UGT1A5: variants seen among roughly 807,000 people sequenced by gnomAD.
UGT1A5 encodes the protein UDP glucuronosyltransferase family 1 member A5.
Under a neutral mutation model 40.3 loss-of-function variants are expected in UGT1A5, and 29 were observed. That is an observed-to-expected ratio of 0.72 (90% CI 0.54 to 0.98). The LOEUF (loss-of-function observed/expected upper bound fraction) is 0.98. Ranked by LOEUF, UGT1A5 falls within the 50% of genes least tolerant of loss-of-function variation. The probability of loss-of-function intolerance (pLI) is 0.00; values close to 1 mark genes in which losing one functional copy is unlikely to be tolerated. For synonymous variants in UGT1A5, 257 were observed against 262.5 expected, an observed-to-expected ratio of 0.98 and a Z score of 0.20; for missense variants, 678 against 677.9, an observed-to-expected ratio of 1.00 and a Z score of 0.00.
chr2:233,732,424 AG>A (rs1319595536), intron 1 of UGT1A5, among the ~76,000 whole-genome samples: 1 of 152,242 alleles, frequency 6.6e-6, no homozygotes, highest in Non-Finnish European at 1.5e-5. Flanking sequence ...GTTTTCTTCT[AG>A]GATTTTTATG....
At position 233,747,386 on chromosome 2, in the gene UGT1A5, G is replaced by A. The variant is rs28900380; in HGVS notation, c.868-19648G>A. ...AGCTCCATGCCAGAGGCCACCAGGC[G>A]GTGGTCCTCACCCCAGAGGTGAATA... is the stretch of plus-strand genomic sequence containing the variant. On this transcript the variant is annotated intron_variant, in intron 1 of 4. Coordinates refer to ENST00000373414, the MANE Select transcript of UGT1A5 (RefSeq NM_019078.2). The A allele has an allele frequency of 0.013, 20,927 of 1,605,194 alleles. 2,457 individuals carry two copies. In the African/African-American group the frequency reaches 0.23, roughly 18 times the overall value.
chr2:233,745,071 G>A (rs981811501), intron 1 of UGT1A5, among the ~76,000 whole-genome samples: 3 of 151,782 alleles, frequency 2.0e-5, no homozygotes, highest in Admixed American at 1.3e-4. Flanking sequence ...TATTTGTATT[G>A]TTTTTTCATT....
rs189644754 is a variant in UGT1A5 at position 233,743,962 on chromosome 2, C to T, written c.868-23072C>T. 923 of 1,331,616 alleles carry T rather than the reference C, an allele frequency of 6.9e-4. 28 individuals are homozygous for T. The African/African-American group carries it at 0.013, about 18-fold the overall frequency. The allele number at this position is 1,331,616 out of a possible 1,614,324, so 82.5% of individuals were successfully genotyped here. On this transcript the variant is annotated intron_variant, in intron 1 of 4. Coordinates refer to ENST00000373414, the MANE Select transcript of UGT1A5 (RefSeq NM_019078.2). ...CACCAGGCACTGGCACAGCGAGCGG[C>T]AAGGCTGCCAGCACCCAGGCGCAGG...
rs190570057 is a variant in UGT1A5, at chr2:233,713,150, G to A, written c.159G>A (p.Ala53=). Residue 53 remains alanine, a synonymous_variant, in exon 1 of 5, where the codon GCG becomes GCA. Coordinates refer to ENST00000373414, the MANE Select transcript of UGT1A5 (RefSeq NM_019078.2). The part of the protein sequence containing the change: ...SMREALRDLH[A]RGHQVVVLTL... Reference sequence around the variant, plus strand: ...GGGAGGCCTTGCGGGACCTCCATGCGAGAGGCCACCAGGTGGTGGTCCTCA... The same window carrying A: ...GGGAGGCCTTGCGGGACCTCCATGCAAGAGGCCACCAGGTGGTGGTCCTCA... The A allele has an allele frequency of 5.6e-6, 9 of 1,614,242 alleles. No individual in the cohort carries two copies. In the East Asian group the frequency reaches 8.9e-5, roughly 16 times the overall value.
chr2:233,743,747 G>A (rs370175895), intron 1 of UGT1A5: 9 of 1,367,226 alleles, frequency 6.6e-6, no homozygotes, highest in African/African-American at 1.5e-5. Flanking sequence ...CTTGGCGTCC[G>A]ACAACACCTC....
chr2:233,713,442 A>G lies in UGT1A5; in HGVS notation c.451A>G (p.Thr151Ala). ...TGCTACTTCCTTTGATGTGGTTCTA[A>G]CAGACCCCTTTCACCTCTGCGCGGC... ...LHATSFDVVL[T>A]DPFHLCAAVL... Residue 151 changes from threonine to alanine, a missense_variant, in exon 1 of 5, where the codon ACA (threonine) becomes GCA (alanine). Physicochemically the swap from Thr to Ala is moderately conservative, Grantham distance 58. Coordinates refer to ENST00000373414, the MANE Select transcript of UGT1A5 (RefSeq NM_019078.2). The G allele has an allele frequency of 6.2e-7, 1 of 1,614,102 alleles. No homozygotes were observed. Among genetic ancestry groups the G allele is most frequent in the Non-Finnish European group, 8.5e-7 (1 of 1,180,014 alleles).
At chr2:233,725,201 G>GGCAGAGGCAGAA (rs2077389297) in intron 1 of UGT1A5, among the ~76,000 whole-genome samples, 6 of 93,006 alleles carry the variant, frequency 6.5e-5, no homozygotes, top group African/African-American at 5.2e-4. Context: ...CAGAGGCAGA[G>GGCAGAGGCAGAA]GCAGAGGCAG....
chr2:233,743,918 C>T, intron 1 of UGT1A5: 1 of 1,363,786 alleles, frequency 7.3e-7, no homozygotes, highest in East Asian at 4.6e-5. Context: ...GTCCACCATG[C>T]TGGATGGCCA....
intron 1 of UGT1A5, chr2:233,755,414 G>T (rs11673726): frequency 0.36 from 117,303 of 321,602 alleles, 22,184 homozygotes; most frequent in African/African-American, 0.41. Context: ...GCCGAGGCCT[G>T]TGAGCGCCTC....
intron 1 of UGT1A5, chr2:233,747,895 C>T: frequency 6.2e-7 from 1 of 1,613,566 alleles, no homozygotes; most frequent in Non-Finnish European, 8.5e-7. Context: ...CATGCTCTTT[C>T]TGCTCCTTAT....
chr2:233,750,351 C>G (rs148166585), intron 1 of UGT1A5, among the ~76,000 whole-genome samples: 13 of 151,972 alleles, frequency 8.6e-5, no homozygotes, highest in African/African-American at 2.4e-4. Context: ...GAAATTGGAA[C>G]TTATGTTTAA....
intron 1 of UGT1A5, 92 bp downstream of exon 1, chr2:233,713,950 C>A (rs1250435794): frequency 3.7e-6 from 6 of 1,608,844 alleles, no homozygotes; most frequent in Admixed American, 1.7e-5. Context: ...ATCTACTTAT[C>A]TTTCCAAAGA....
intron 1 of UGT1A5, chr2:233,752,371 G>C (rs1694955006): frequency 6.6e-6 from 1 of 152,082 alleles, no homozygotes; most frequent in Non-Finnish European, 1.5e-5. Flanking sequence ...GTCTCAAGAG[G>C]GTCATCTTTG....
chr2:233,729,440 A>G (rs2077859052), intron 1 of UGT1A5: 2 of 1,613,960 alleles, frequency 1.2e-6, no homozygotes, highest in Non-Finnish European at 1.7e-6. Context: ...GAAACAGAAC[A>G]TTTTCTGAAG....
intron 1 of UGT1A5, chr2:233,730,077 T>G: frequency 1.2e-6 from 2 of 1,605,094 alleles, no homozygotes; most frequent in South Asian, 2.2e-5. Flanking sequence ...TGCTTCCATA[T>G]TTACTTATCT....
chr2:233,772,520 A>C lies in UGT1A5; in HGVS notation c.1566A>C (p.Lys522Asn). The change falls in exon 5 of 5, where the codon AAA (lysine) becomes AAC (asparagine). Residue 522 changes from lysine (K) to asparagine (N), a missense_variant. Coordinates refer to ENST00000373414, the MANE Select transcript of UGT1A5 (RefSeq NM_019078.2). ...AYGYRKCLGK[K>N]GRVKKAHKSK... is the part of the protein sequence containing the mutation. ...GCTACCGGAAATGCTTGGGGAAAAA[A>C]GGGCGAGTTAAGAAAGCCCACAAAT... 1.2e-6 allele frequency: 2 copies of C among 1,614,206 alleles called. No individual in the cohort carries two copies. Among genetic ancestry groups the C allele is most frequent in the Non-Finnish European group, 1.7e-6 (2 of 1,180,032 alleles).
At chr2:233,741,949 G>A (rs188089498) in intron 1 of UGT1A5, 3 of 151,926 alleles carry the variant, frequency 2.0e-5, no homozygotes, top group Admixed American at 2.0e-4. Context: ...CAACAGAAAG[G>A]TACTTTCTTG....
In UGT1A5 at chr2:233,772,491, T is replaced by C; in HGVS notation, c.1537T>C (p.Tyr513His). The C allele has an allele frequency of 6.2e-7, 1 of 1,614,160 alleles. No homozygotes were observed. Among genetic ancestry groups the C allele is most frequent in the South Asian group, 1.1e-5 (1 of 91,082 alleles). Reference sequence around the variant, plus strand: ...CTTCATCACCTTTAAATGTTGTGCTTATGGCTACCGGAAATGCTTGGGGAA... The same window carrying C: ...CTTCATCACCTTTAAATGTTGTGCTCATGGCTACCGGAAATGCTTGGGGAA... ...VAFITFKCCA[Y>H]GYRKCLGKKG... Residue 513 changes from tyrosine to histidine, a missense_variant, in exon 5 of 5, where the codon TAT becomes CAT. Physicochemically the swap from Tyr to His is moderately conservative, Grantham distance 83 (BLOSUM62 2). Coordinates refer to ENST00000373414, the MANE Select transcript of UGT1A5 (RefSeq NM_019078.2).
At chr2:233,728,098 T>G (rs1183146949) in intron 1 of UGT1A5, among the ~76,000 whole-genome samples, 2 of 152,208 alleles carry the variant, frequency 1.3e-5, no homozygotes, top group East Asian at 3.9e-4. Context: ...GAAAGGCACA[T>G]ATTTAATTCT....
Sources: gnomAD v4.1 joint callset for allele counts (sites outside exome capture counted in the v4.1 genomes callset) on GRCh38, gnomAD v4.1.1 for gene constraint, MANE v1.5 for transcripts, NCBI Gene and HGNC (gene_info 2026-07-23, HGNC 2026-07-21) for gene names.